RIOK2: variants seen among roughly 807,000 people sequenced by gnomAD.
RIOK2 encodes the protein RIO kinase 2, also known as serine/threonine-protein kinase RIO2.
RIOK2 carries 46 observed loss-of-function variants against 62.4 expected under a neutral mutation model. The observed-to-expected ratio is 0.74, with a 90% CI of 0.58 to 0.94. RIOK2 has a LOEUF of 0.94. RIOK2 is among the 40% of genes least tolerant of loss of function. The probability of loss-of-function intolerance (pLI) is 0.00; values close to 1 mark genes in which losing one functional copy is unlikely to be tolerated. For missense variants in RIOK2, 574 were observed against 658.0 expected, an observed-to-expected ratio of 0.87 and a Z score of 1.40; for synonymous variants, 197 against 216.0, an observed-to-expected ratio of 0.91 and a Z score of 0.77.
In RIOK2 at chr5:97,177,307, CA is replaced by C. The variant is rs1485891257; in HGVS notation, c.323-17del. On this transcript the variant is annotated splice_polypyrimidine_tract_variant and intron_variant, in intron 3 of 9. Coordinates refer to ENST00000283109, the MANE Select transcript of RIOK2 (RefSeq NM_018343.3). ...ATGTAAATATCTAGAGACAAAATTTCAAAAACAACCATTATTACACGTTTAT... is the reference window on the plus strand; with the variant it reads ...ATGTAAATATCTAGAGACAAAATTTCAAAACAACCATTATTACACGTTTAT... The C allele has an allele frequency of 5.6e-6, 9 of 1,593,970 alleles. No individual in the cohort carries two copies. The highest frequency in any genetic ancestry group is 7.7e-6 in the Non-Finnish European group (9 of 1,169,620).
chr5:97,169,031 T>A (rs939671905), intron 6 of RIOK2, among the ~76,000 whole-genome samples, 179 bp from the exon 7 acceptor site: 1 of 152,098 alleles, frequency 6.6e-6, no homozygotes, highest in African/African-American at 2.4e-5. Flanking sequence ...AAAACTAAAA[T>A]CCAAGGAAAT....
intron 2 of RIOK2, 161 bp downstream of exon 2, chr5:97,178,894 G>T: frequency 1.3e-6 from 1 of 773,240 alleles, no homozygotes; most frequent in Non-Finnish European, 2.1e-6. Context: ...GGTGTGCCCT[G>T]TGATTATTTT....
chr5:97,165,117 C>G lies in RIOK2; in HGVS notation c.1428G>C (p.Gln476His). The change falls in exon 9 of 10, where the codon CAG becomes CAC. Residue 476 changes from glutamine to histidine, a missense_variant. Physicochemically the swap from Gln to His is conservative, Grantham distance 24. Coordinates refer to ENST00000283109, the MANE Select transcript of RIOK2 (RefSeq NM_018343.3). ...TGATACTCAGAGTTCTTGTTCTATA[C>G]TGATTCATAGCTCCCACATTTTCTT... Reference protein sequence around the residue: ...RDEENVGAMNQYRTRTLSITS... With the variant: ...RDEENVGAMNHYRTRTLSITS... 1 of 1,506,748 alleles carries G rather than the reference C, an allele frequency of 6.6e-7. No individual in the cohort carries two copies. The highest frequency in any genetic ancestry group is 8.9e-7 in the Non-Finnish European group (1 of 1,125,110). 93.3% of individuals were successfully genotyped at this position (1,506,748 alleles called of 1,614,324 possible). A position where few individuals can be genotyped will look rare whatever the true frequency, so the allele number is the denominator to read the frequency against.
chr5:97,165,137 TTTC>T lies in RIOK2; in HGVS notation c.1405_1407del (p.Glu469del), dbSNP rs1748810649. The T allele has an allele frequency of 6.9e-7, 1 of 1,447,694 alleles. No individual in the cohort carries two copies. Among genetic ancestry groups the T allele is most frequent in the African/African-American group, 1.4e-5 (1 of 69,508 alleles). 89.7% of individuals were successfully genotyped at this position (1,447,694 alleles called of 1,614,324 possible). On this transcript the variant is annotated inframe_deletion, in exon 9 of 10. Transcript: ENST00000283109. ...CTATACTGATTCATAGCTCCCACAT[TTTC>T]TTCATCTCTAAAATTAAAAAACCCA...
At position 97,173,191 on chromosome 5, in the gene RIOK2, T is replaced by C. The variant is rs1428295804; in HGVS notation, c.571A>G (p.Ile191Val). ...AATACTTACAGTGGATAACCATTTA[T>C]GAGTTCCATGACCACTGCATGACGA... ...YNRHAVVMEL[I>V]NGYPLCQIHH... The change falls in exon 5 of 10, where the codon ATA becomes GTA. Residue 191 changes from isoleucine (I) to valine (V), a missense_variant. Physicochemically the swap from Ile to Val is conservative, Grantham distance 29. Coordinates refer to ENST00000283109, the MANE Select transcript of RIOK2 (RefSeq NM_018343.3). 1.2e-6 allele frequency: 2 copies of C among 1,610,516 alleles called. No homozygotes were observed. The highest frequency in any genetic ancestry group is 8.5e-7 in the Non-Finnish European group (1 of 1,177,284).
rs1561516357 is a variant in RIOK2 at position 97,167,673 on chromosome 5, A to G, written c.1191T>C (p.Asn397=). The change falls in exon 8 of 10, where the codon AAT becomes AAC. Residue 397 remains asparagine (N), a synonymous_variant. Coordinates refer to ENST00000283109, the MANE Select transcript of RIOK2 (RefSeq NM_018343.3). The part of the protein sequence containing the change: ...DARSFEMTEF[N]QALEEIKGQV... ...GCCCTTTTATTTCTTCTAAAGCTTG[A>G]TTGAATTCAGTCATTTCAAAACTCC... 2.5e-6 allele frequency: 4 copies of G among 1,614,198 alleles called. No homozygotes were observed. The highest frequency in any genetic ancestry group is 3.4e-6 in the Non-Finnish European group (4 of 1,180,000).
intron 4 of RIOK2, among the ~76,000 whole-genome samples, chr5:97,175,104 T>C (rs993732943): frequency 6.6e-6 from 1 of 150,836 alleles, no homozygotes; most frequent in Non-Finnish European, 1.5e-5. Context: ...TTCTGTTTCA[T>C]GTGTTATCTT....
Position 97,162,021 on chromosome 5 carries a change from G to T in RIOK2, c.*1040C>A, listed in dbSNP as rs1748713768. The T allele has an allele frequency of 6.6e-6, 1 of 152,126 alleles. No homozygotes were observed. Among genetic ancestry groups the T allele is most frequent in the Admixed American group, 6.5e-5 (1 of 15,270 alleles). 9.4% of individuals were successfully genotyped at this position (152,126 alleles called of 1,614,324 possible). A position where few individuals can be genotyped will look rare whatever the true frequency, so the allele number is the denominator to read the frequency against. On this transcript the variant is annotated 3_prime_UTR_variant, in exon 10 of 10. Coordinates refer to ENST00000283109, the MANE Select transcript of RIOK2 (RefSeq NM_018343.3). ...TGCAAATAGCTAGTAGAGTTAATTT[G>T]GCAAAGGTGAAAGGGAATCTGCTGT...
intron 6 of RIOK2, among the ~76,000 whole-genome samples, 157 bp from the exon 7 acceptor site, chr5:97,169,009 C>T (rs1003142748): frequency 3.9e-5 from 6 of 152,066 alleles, no homozygotes; most frequent in Non-Finnish European, 8.8e-5. Context: ...ATGAGTTAAC[C>T]AGTGTGTTTG....
rs1748698270 is a variant in RIOK2 at position 97,161,553 on chromosome 5, G to C, written c.*1508C>G. The C allele has an allele frequency of 6.6e-6, 1 of 152,082 alleles. No individual in the cohort carries two copies. The highest frequency in any genetic ancestry group is 2.4e-5 in the African/African-American group (1 of 41,408). The allele number at this position is 152,082 out of a possible 1,614,324, so 9.4% of individuals were successfully genotyped here. A position where few individuals can be genotyped will look rare whatever the true frequency, so the allele number is the denominator to read the frequency against. On this transcript the variant is annotated 3_prime_UTR_variant, in exon 10 of 10. Coordinates refer to ENST00000283109, the MANE Select transcript of RIOK2 (RefSeq NM_018343.3). ...ACTAATCTTTGCCCAAATGAGGTAA[G>C]GCCTCCATTTCTGATTGGAATAATT...
intron 1 of RIOK2, among the ~76,000 whole-genome samples, chr5:97,179,991 A>ATATATATAT (rs1561522013): frequency 3.5e-4 from 15 of 43,236 alleles, no homozygotes; most frequent in Non-Finnish European, 5.0e-4. Flanking sequence ...TATATATATA[A>ATATATATAT]AATATATATA....
rs1278295232 is a variant in RIOK2 at position 97,168,839 on chromosome 5, CT to C, written c.792del (p.Asp265MetfsTer10). ...AAGAAATCTTTAATGCATTTAACAT[CT>C]CTGTCAAAATACCTGCAAAAGCAAG... Reference protein sequence around the residue: ...SHPNAEWYFDRDVKCIKDFFM... With the variant: ...SHPNAEWYFDXDVKCIKDFFM... On this transcript the variant is annotated frameshift_variant, in exon 7 of 10. Coordinates refer to ENST00000283109, the MANE Select transcript of RIOK2 (RefSeq NM_018343.3). LOFTEE classifies it high-confidence loss of function. The C allele has an allele frequency of 6.3e-7, 1 of 1,587,804 alleles. No individual in the cohort carries two copies. The highest frequency in any genetic ancestry group is 1.4e-5 in the African/African-American group (1 of 73,386).
intron 6 of RIOK2, among the ~76,000 whole-genome samples, chr5:97,170,185 C>T (rs946274287): frequency 4.6e-5 from 7 of 151,822 alleles, no homozygotes; most frequent in Admixed American, 1.3e-4. Flanking sequence ...TCTCATAAAG[C>T]TTGGAACAGA....
chr5:97,166,034 A>G (rs902755293), intron 8 of RIOK2, among the ~76,000 whole-genome samples: 2 of 152,304 alleles, frequency 1.3e-5, no homozygotes, highest in East Asian at 1.9e-4. Flanking sequence ...GAACTGGGAC[A>G]TGGGTCCTCT....
intron 7 of RIOK2, 33 bp downstream of exon 7, chr5:97,168,727 G>T: frequency 7.8e-7 from 1 of 1,274,914 alleles, no homozygotes; most frequent in African/African-American, 1.5e-5. Context: ...TATTTAAACT[G>T]TTCTATTATG....
Position 97,167,663 on chromosome 5 carries a change from C to T in RIOK2, c.1201G>A (p.Glu401Lys). The change falls in exon 8 of 10, where the codon GAA (glutamate) becomes AAA (lysine). Residue 401 changes from glutamate to lysine, a missense_variant. Coordinates refer to ENST00000283109, the MANE Select transcript of RIOK2 (RefSeq NM_018343.3). ...TCAACAACCTGCCCTTTTATTTCTT[C>T]TAAAGCTTGATTGAATTCAGTCATT... Reference protein sequence around the residue: ...FEMTEFNQALEEIKGQVVENN... With the variant: ...FEMTEFNQALKEIKGQVVENN... 1.2e-6 allele frequency: 2 copies of T among 1,614,176 alleles called. No homozygotes were observed. Among genetic ancestry groups the T allele is most frequent in the Non-Finnish European group, 1.7e-6 (2 of 1,180,000 alleles).
intron 5 of RIOK2, among the ~76,000 whole-genome samples, chr5:97,172,502 T>C (rs1039586692): frequency 2.6e-5 from 4 of 152,232 alleles, no homozygotes; most frequent in African/African-American, 9.6e-5. Context: ...TTCACAACTA[T>C]CACTGTAATC....
rs781459595 is a variant in RIOK2 at position 97,177,435 on chromosome 5, C to T, written c.323-144G>A. ...AGTATCCCTCCTTATCCAAAACCTT[C>T]GGACCAGAAGTGTTTTGAATTTTGG... On this transcript the variant is annotated intron_variant, in intron 3 of 9. Coordinates refer to ENST00000283109, the MANE Select transcript of RIOK2 (RefSeq NM_018343.3). The T allele has an allele frequency of 4.0e-5, 31 of 781,304 alleles. 2 individuals carry two copies. Among genetic ancestry groups the T allele is most frequent in the African/African-American group, 8.8e-5 (5 of 56,838 alleles). The allele number at this position is 781,304 out of a possible 1,614,324, so 48.4% of individuals were successfully genotyped here.
chr5:97,167,216 C>T, intron 8 of RIOK2: 1 of 1,372,498 alleles, frequency 7.3e-7, no homozygotes, highest in African/African-American at 1.5e-5. Flanking sequence ...GCCACTGTGC[C>T]CAGCCATCAG....
Sources: allele counts gnomAD v4.1 joint callset (sites outside exome capture counted in the v4.1 genomes callset), GRCh38; gene constraint gnomAD v4.1.1; transcripts MANE v1.5; gene names NCBI Gene and HGNC (gene_info 2026-07-23, HGNC 2026-07-21).